The following RAI1 variants were observed in gnomAD, a reference collection of about 807,000 sequenced individuals.
The protein encoded by RAI1 is retinoic acid induced 1.
Under a neutral mutation model 123.8 loss-of-function variants are expected in RAI1, and 9 were observed. The ratio of observed to expected loss-of-function variants is 0.07; its 90% CI spans 0.04 to 0.13. The LOEUF (loss-of-function observed/expected upper bound fraction) is 0.13, where lower values mean the gene tolerates loss of function less well. RAI1 is among the 10% of genes least tolerant of loss of function. The pLI is 1.00. For missense variants in RAI1, 2,256 were observed against 2,545.8 expected (o/e 0.89, Z 2.45); for synonymous variants, 1,231 against 1,127.3 (o/e 1.09, Z -1.84).
chr17:17,753,966 T>A (rs1293831854), intron 2 of RAI1, among the ~76,000 whole-genome samples: 6 of 152,218 alleles, frequency 3.9e-5, no homozygotes, highest in Non-Finnish European at 8.8e-5. Flanking sequence ...TCTCAAGGTC[T>A]CATACCTGGG....
At chr17:17,735,314 A>G (rs1200607468) in intron 2 of RAI1, among the ~76,000 whole-genome samples, 1 of 150,518 alleles carries the variant, frequency 6.6e-6, no homozygotes, top group Non-Finnish European at 1.5e-5. Flanking sequence ...TCGGCCTCCC[A>G]AAGTCCTAGG....
At chr17:17,689,688 C>T (rs958736334) in intron 1 of RAI1, among the ~76,000 whole-genome samples, 1 of 152,190 alleles carries the variant, frequency 6.6e-6, no homozygotes, top group African/African-American at 2.4e-5. Context: ...GCGAACTTAG[C>T]CAAGTTATTT....
chr17:17,763,051 G>GAAAGAA (rs2030771456), intron 2 of RAI1, among the ~76,000 whole-genome samples: 1 of 143,798 alleles, frequency 7.0e-6, no homozygotes. Context: ...GGCTTTTCTG[G>GAAAGAA]AAAAAAAAAA....
chr17:17,739,064 G>A (rs1341090676), intron 2 of RAI1, among the ~76,000 whole-genome samples: 1 of 152,210 alleles, frequency 6.6e-6, no homozygotes, highest in Non-Finnish European at 1.5e-5. Flanking sequence ...CCCTGGGGAA[G>A]ACAAGTTGTA....
chr17:17,719,448 C>T (rs940291884), intron 1 of RAI1, among the ~76,000 whole-genome samples: 4 of 152,244 alleles, frequency 2.6e-5, no homozygotes. Context: ...CCCCAGACAG[C>T]TGCATGCCTC....
chr17:17,803,695 G>A, intron 3 of RAI1, 61 bp from the exon 4 acceptor site: 2 of 1,509,920 alleles, frequency 1.3e-6, no homozygotes, highest in Non-Finnish European at 9.2e-7. Context: ...CTACCAGCCT[G>A]TAAAGCTTGA....
intron 1 of RAI1, among the ~76,000 whole-genome samples, chr17:17,711,208 C>G (rs544849583): frequency 1.3e-5 from 2 of 152,338 alleles, no homozygotes; most frequent in Admixed American, 6.5e-5. Flanking sequence ...TGGAAGAACT[C>G]TGGTCACGTC....
chr17:17,795,250 G>A lies in RAI1; in HGVS notation c.2302G>A (p.Gly768Ser). Residue 768 changes from glycine to serine, a missense_variant, in exon 3 of 6, where the codon GGC (glycine) becomes AGC (serine). Physicochemically the swap from Gly to Ser is moderately conservative, Grantham distance 56. Coordinates refer to ENST00000353383, the MANE Select transcript of RAI1 (RefSeq NM_030665.4). This position sits in a 1 kb window ranked among gnomAD's most constrained non-coding sequence, Gnocchi z 5.9. ...WGLHPGELTKGLEQGGKASDG... is the reference protein window; with the variant it reads ...WGLHPGELTKSLEQGGKASDG... ...ATTGCACCCTGGCGAGCTTACCAAG[G>A]GCCTGGAGCAGGGTGGGAAGGCCTC... 1 of 1,614,024 alleles carries A rather than the reference G, an allele frequency of 6.2e-7. No homozygotes were observed.
intron 2 of RAI1, among the ~76,000 whole-genome samples, chr17:17,732,869 G>T (rs1916313737): frequency 6.6e-6 from 1 of 152,212 alleles, no homozygotes; most frequent in Non-Finnish European, 1.5e-5. Context: ...CTCTTCCACA[G>T]AGAGGCCAGG....
intron 1 of RAI1, among the ~76,000 whole-genome samples, chr17:17,704,292 A>G (rs1334088643): frequency 6.6e-6 from 1 of 152,220 alleles, no homozygotes; most frequent in African/African-American, 2.4e-5. Context: ...TGGCTCCAGC[A>G]CTGCTCCCTC....
At chr17:17,763,149 C>T (rs1236444864) in intron 2 of RAI1, among the ~76,000 whole-genome samples, 1 of 152,166 alleles carries the variant, frequency 6.6e-6, no homozygotes, top group Non-Finnish European at 1.5e-5. Flanking sequence ...TCCCTGCATC[C>T]CCCCGCTTTC....
intron 4 of RAI1, among the ~76,000 whole-genome samples, chr17:17,806,571 C>A (rs1450564525): frequency 2.6e-5 from 4 of 152,338 alleles, no homozygotes; most frequent in South Asian, 2.1e-4. Context: ...CCAGGCCCAG[C>A]TTCATGTCTC....
chr17:17,708,809 A>G (rs1915473343), intron 1 of RAI1, among the ~76,000 whole-genome samples: 1 of 152,216 alleles, frequency 6.6e-6, no homozygotes, highest in East Asian at 1.9e-4. Context: ...AGTGGACACC[A>G]TAACTGACCC....
rs1265832945 is a variant in RAI1 at position 17,714,562 on chromosome 17, TC to T, written c.-148-9465del. On this transcript the variant is annotated intron_variant, in intron 1 of 5. Coordinates refer to ENST00000353383, the MANE Select transcript of RAI1 (RefSeq NM_030665.4). This position sits in a 1 kb window ranked among gnomAD's most constrained non-coding sequence, Gnocchi z 4.9. ...ACGTTTATGCACTCATTTCTATTTA[TC>T]ACCAGCAAATCCCGGGCCCTGCTGT... Among the ~76,000 whole-genome samples the T allele has an allele frequency of 6.6e-6, 1 of 152,192 alleles. No homozygotes were observed. The highest frequency in any genetic ancestry group is 1.5e-5 in the Non-Finnish European group (1 of 68,032).
rs778380603 is a variant in RAI1, at chr17:17,793,418, A to G, written c.470A>G (p.Tyr157Cys). The G allele has an allele frequency of 1.9e-6, 3 of 1,613,410 alleles. No individual in the cohort carries two copies. Among genetic ancestry groups the G allele is most frequent in the South Asian group, 1.1e-5 (1 of 91,052 alleles). The change falls in exon 3 of 6, where the codon TAT becomes TGT. Residue 157 changes from tyrosine (Y) to cysteine (C), a missense_variant. By Grantham distance (194) the Tyr-to-Cys change is radical. Transcript: ENST00000353383. ...KKTAVPPSRQYAEQGAQVPFR... is the reference protein window; with the variant it reads ...KKTAVPPSRQCAEQGAQVPFR... ...ACAGCAGTGCCCCCCAGCAGGCAGTATGCAGAGCAGGGCGCCCAGGTGCCC... is the reference window on the plus strand; with the variant it reads ...ACAGCAGTGCCCCCCAGCAGGCAGTGTGCAGAGCAGGGCGCCCAGGTGCCC...
intron 4 of RAI1, among the ~76,000 whole-genome samples, chr17:17,804,539 T>G (rs1003102371): frequency 2.6e-5 from 4 of 152,224 alleles, no homozygotes; most frequent in Admixed American, 2.0e-4. Flanking sequence ...GAGACATTCC[T>G]TATTTCATCC....
Position 17,799,524 on chromosome 17 carries a change from G to A in RAI1, c.5565+1011G>A, listed in dbSNP as rs780597725. 5.3e-5 allele frequency among the ~76,000 whole-genome samples: 8 copies of A among 152,132 alleles called. No homozygotes were observed. Among genetic ancestry groups the A allele is most frequent in the Non-Finnish European group, 7.4e-5 (5 of 68,000 alleles). ...ACTCCACTGCCTCATCCAGACTTCC[G>A]TGGAGTGACGCTCCCGGCTCTCAGC... On this transcript the variant is annotated intron_variant, in intron 3 of 5. Transcript: ENST00000353383. This position sits in a 1 kb window ranked among gnomAD's most constrained non-coding sequence, Gnocchi z 4.5.
intron 2 of RAI1, among the ~76,000 whole-genome samples, chr17:17,784,012 TC>T (rs1234198957): frequency 2.0e-5 from 3 of 151,940 alleles, no homozygotes; most frequent in African/African-American, 7.3e-5. Flanking sequence ...TCTCTTCCAA[TC>T]CCCCTCCCTC....
intron 1 of RAI1, among the ~76,000 whole-genome samples, chr17:17,713,083 C>T (rs1265156645): frequency 6.6e-6 from 1 of 152,144 alleles, no homozygotes; most frequent in Non-Finnish European, 1.5e-5. Context: ...AGTTGCACAA[C>T]TTCATGAATA....
Sources: allele counts gnomAD v4.1 joint callset (sites outside exome capture counted in the v4.1 genomes callset), GRCh38; gene constraint gnomAD v4.1.1; non-coding constraint Gnocchi (gnomAD v3.1); transcripts MANE v1.5; gene names NCBI Gene and HGNC (gene_info 2026-07-23, HGNC 2026-07-21).